MAGI1: variants seen among roughly 807,000 people sequenced by gnomAD.
MAGI1 encodes membrane-associated guanylate kinase, WW and PDZ domain-containing protein 1.
In MAGI1, 58 loss-of-function variants were observed where a neutral mutation model predicts 139.9. The ratio of observed to expected loss-of-function variants is 0.41; its 90% confidence interval spans 0.34 to 0.52. MAGI1 has a LOEUF of 0.52. Ranked by LOEUF, MAGI1 falls within the 20% of genes least tolerant of loss-of-function variation. The pLI is 0.12. For synonymous variants in MAGI1, 812 were observed against 737.9 expected (o/e 1.10, Z -1.63); for missense variants, 1,874 against 1,901.6 (o/e 0.99, Z 0.27).
At chr3:65,930,200 C>T (rs62243762) in intron 1 of MAGI1, among the ~76,000 whole-genome samples, 1 of 150,344 alleles carries the variant, frequency 6.7e-6, no homozygotes, top group Admixed American at 6.7e-5. Context: ...CCTGTAGTCC[C>T]GGCTACTCAG....
rs55913122 is a variant in MAGI1 at position 65,996,540 on chromosome 3, A to AG, written c.313+41455dup. ...AGTGATAACTATAAATGAAAAACTA[A>AG]GGGGGGGGGGGGGGAAGCGAGCCCC... On this transcript the variant is annotated intron_variant, in intron 1 of 22. Transcript: ENST00000402939. 6.3e-3 allele frequency among the ~76,000 whole-genome samples: 801 copies of AG among 126,350 alleles called. 3 individuals are homozygous for AG. The highest frequency in any genetic ancestry group is 0.013 in the South Asian group (47 of 3,484). The allele number at this position is 126,350 out of a possible 152,430, so 82.9% of individuals were successfully genotyped here.
chr3:65,657,570 T>C (rs756636309), intron 1 of MAGI1, among the ~76,000 whole-genome samples: 10 of 152,180 alleles, frequency 6.6e-5, no homozygotes, highest in Admixed American at 2.0e-4. Context: ...GTTGTACTTA[T>C]TGCCCAAATG....
At chr3:65,502,957 C>G (rs2077141445) in intron 2 of MAGI1, among the ~76,000 whole-genome samples, 1 of 152,048 alleles carries the variant, frequency 6.6e-6, no homozygotes, top group Non-Finnish European at 1.5e-5. Context: ...GGGTAAAAAT[C>G]CATGATACAG....
intron 15 of MAGI1, among the ~76,000 whole-genome samples, chr3:65,383,313 T>A (rs2106915569): frequency 6.6e-6 from 1 of 152,300 alleles, no homozygotes; most frequent in Non-Finnish European, 1.5e-5. Flanking sequence ...CTCCCACCTT[T>A]CACAAACACT....
At position 65,391,303 on chromosome 3, in the gene MAGI1, T is replaced by C; in HGVS notation, c.2255A>G (p.His752Arg). ...TGGGGATGCTGTGTGCAGGCTTCGG[T>C]GGCTGGAAACACTGTGCTGAGAACT... ...QNSSQHSVSS[H>R]RSLHTASPSH... is the part of the protein sequence containing the mutation. The change falls in exon 14 of 23, where the codon CAC (histidine) becomes CGC (arginine). Residue 752 changes from histidine (H) to arginine (R), a missense_variant. His to Arg is a conservative substitution (Grantham distance 29). This residue lies in a region of MAGI1 where 482 missense variants were observed against 509.6 expected (regional missense o/e 0.95). Coordinates refer to ENST00000402939, the MANE Select transcript of MAGI1 (RefSeq NM_001033057.2). The C allele has an allele frequency of 5.6e-6, 9 of 1,614,204 alleles. No individual in the cohort carries two copies. The highest frequency in any genetic ancestry group is 7.6e-6 in the Non-Finnish European group (9 of 1,180,034).
intron 20 of MAGI1, 80 bp from the exon 21 acceptor site, chr3:65,363,688 G>C (rs1941112502): frequency 8.2e-7 from 1 of 1,214,422 alleles, no homozygotes. Context: ...TGGCAAAAAG[G>C]CACAATCTCT....
At chr3:65,693,699 G>GT (rs777159174) in intron 1 of MAGI1, among the ~76,000 whole-genome samples, 10 of 102,906 alleles carry the variant, frequency 9.7e-5, no homozygotes, top group South Asian at 3.4e-4. Flanking sequence ...ATTCAGAACA[G>GT]TTTTTTTTTG....
chr3:65,599,946 G>C (rs1278209051), intron 2 of MAGI1, among the ~76,000 whole-genome samples: 8 of 152,276 alleles, frequency 5.3e-5, no homozygotes, highest in Admixed American at 2.6e-4. Context: ...CAAAGTATTT[G>C]CTTACCTATT....
intron 1 of MAGI1, among the ~76,000 whole-genome samples, chr3:65,652,218 T>A (rs970028388): frequency 6.6e-6 from 1 of 152,126 alleles, no homozygotes; most frequent in Non-Finnish European, 1.5e-5. Context: ...ACTGTAAAAA[T>A]TTTTGTTTTC....
chr3:65,656,433 T>G (rs577815412), intron 1 of MAGI1, among the ~76,000 whole-genome samples: 1 of 152,196 alleles, frequency 6.6e-6, no homozygotes, highest in South Asian at 2.1e-4. Context: ...AAATTTTATA[T>G]GCCAAACCAT....
intron 1 of MAGI1, among the ~76,000 whole-genome samples, chr3:65,833,675 G>T (rs1575644878): frequency 2.0e-5 from 3 of 152,222 alleles, no homozygotes; most frequent in African/African-American, 7.2e-5. Context: ...TGAGATTTTT[G>T]TTGTGTTATT....
intron 12 of MAGI1, among the ~76,000 whole-genome samples, chr3:65,428,750 T>C (rs1255670259): frequency 6.6e-6 from 1 of 152,128 alleles, no homozygotes; most frequent in Non-Finnish European, 1.5e-5. Flanking sequence ...TGAAATAACG[T>C]CTTGTGCTAA....
At chr3:65,424,603 C>T (rs1186396800) in intron 12 of MAGI1, among the ~76,000 whole-genome samples, 1 of 152,098 alleles carries the variant, frequency 6.6e-6, no homozygotes, top group African/African-American at 2.4e-5. Flanking sequence ...ATGAGCATCT[C>T]CAATAGCAAG....
intron 1 of MAGI1, among the ~76,000 whole-genome samples, chr3:65,942,588 C>T (rs1307061353): frequency 6.6e-6 from 1 of 152,210 alleles, no homozygotes; most frequent in Non-Finnish European, 1.5e-5. Context: ...ATTACTGTCA[C>T]TTTCTGATTT....
intron 1 of MAGI1, among the ~76,000 whole-genome samples, chr3:65,789,152 G>C (rs59437129): frequency 1.3e-5 from 2 of 152,164 alleles, no homozygotes; most frequent in African/African-American, 4.8e-5. Flanking sequence ...CTGCACTCCA[G>C]CCTGGGTGGG....
Position 65,865,855 on chromosome 3 carries a change from G to C in MAGI1, c.313+172141C>G, listed in dbSNP as rs1393275498. ...CGGTTTCACCATGTTGGCCAGGCTG[G>C]TCTCGAACTCCTGACCTCAGGTGAT... On this transcript the variant is annotated intron_variant, in intron 1 of 22. Coordinates refer to ENST00000402939, the MANE Select transcript of MAGI1 (RefSeq NM_001033057.2). Among the ~76,000 whole-genome samples the C allele has an allele frequency of 2.0e-5, 3 of 152,104 alleles. No individual in the cohort carries two copies. In the East Asian group the frequency reaches 5.8e-4, roughly 30 times the overall value.
intron 1 of MAGI1, among the ~76,000 whole-genome samples, chr3:66,007,262 T>C (rs981737337): frequency 3.9e-5 from 6 of 152,178 alleles, no homozygotes; most frequent in African/African-American, 1.2e-4. Flanking sequence ...GGTAGAACTT[T>C]ATCAGTTCTA....
intron 1 of MAGI1, among the ~76,000 whole-genome samples, chr3:65,858,032 C>A (rs988249936): frequency 6.6e-6 from 1 of 151,994 alleles, no homozygotes; most frequent in Non-Finnish European, 1.5e-5. Context: ...TTGCTTGAGC[C>A]CAGGAGGTTG....
At chr3:65,666,773 T>C (rs1194018361) in intron 1 of MAGI1, among the ~76,000 whole-genome samples, 2 of 152,212 alleles carry the variant, frequency 1.3e-5, no homozygotes, top group Non-Finnish European at 2.9e-5. Context: ...TGAAAATTCC[T>C]TACCCTTATT....
Sources: gnomAD v4.1 joint callset for allele counts (sites outside exome capture counted in the v4.1 genomes callset) on GRCh38, gnomAD v4.1.1 for gene constraint, gnomAD v4.1.1 regional missense constraint, MANE v1.5 for transcripts, NCBI Gene and HGNC (gene_info 2026-07-23, HGNC 2026-07-21) for gene names.